Variants in ZNF81 observed in about 807,000 individuals in gnomAD.
ZNF81 encodes the protein zinc finger protein 81.
In ZNF81, 5 loss-of-function variants were observed where a neutral mutation model predicts 32.3. That is an observed-to-expected ratio of 0.15 (90% CI 0.08 to 0.33). The LOEUF (loss-of-function observed/expected upper bound fraction) is 0.33. Among genes scored for constraint, ZNF81 ranks in the 10% least tolerant of loss-of-function variants. ZNF81 has a pLI of 1.00. For synonymous variants in ZNF81, 163 were observed against 166.8 expected (o/e 0.98, Z 0.17); for missense variants, 379 against 479.8 (o/e 0.79, Z 1.96).
chrX:47,854,730 G>A (rs1490492026), intron 2 of ZNF81, among the ~76,000 whole-genome samples: 3 of 111,674 alleles, frequency 2.7e-5, no homozygotes, highest in East Asian at 5.6e-4. Context: ...TCTTCTATGC[G>A]CATGGTTCGT....
chrX:47,847,539 C>G (rs949968837), intron 2 of ZNF81, among the ~76,000 whole-genome samples: 14 of 112,094 alleles, frequency 1.2e-4, no homozygotes, highest in African/African-American at 4.2e-4. Context: ...TGGAGCTTGA[C>G]TTGCTAAAGT....
Position 47,888,140 on chromosome X carries a change from C to T in ZNF81, c.181+15C>T, listed in dbSNP as rs375239243. The T allele has an allele frequency of 3.8e-5, 46 of 1,202,952 alleles. No homozygotes were observed. The highest frequency in any genetic ancestry group is 4.9e-5 in the Non-Finnish European group (44 of 891,543). ...GCTCTCAGTGGGTAAGGACAACCATCCTGTGAAGTTGTGAGGAGCCTGTTA... is the reference window on the plus strand; with the variant it reads ...GCTCTCAGTGGGTAAGGACAACCATTCTGTGAAGTTGTGAGGAGCCTGTTA... On this transcript the variant is annotated intron_variant, in intron 3 of 4. Coordinates refer to ENST00000338637, the MANE Select transcript of ZNF81 (RefSeq NM_007137.5).
chrX:47,858,613 C>A lies in ZNF81; in HGVS notation c.54+12292C>A, dbSNP rs189494027. Among the ~76,000 whole-genome samples, 38 of 111,334 alleles carry A rather than the reference C, an allele frequency of 3.4e-4. 1 individual carries two copies. The highest frequency in any genetic ancestry group is 3.3e-3 in the Admixed American group (35 of 10,455). On this transcript the variant is annotated intron_variant, in intron 2 of 4. Coordinates refer to ENST00000338637, the MANE Select transcript of ZNF81 (RefSeq NM_007137.5). ...GATATTAAGATGGAGGCCTTGCTTC[C>A]CTTCTTTTGGCTTTTTCTGATACAC... is the stretch of plus-strand genomic sequence containing the variant.
At chrX:47,840,814 TG>T (rs1302588637) in intron 1 of ZNF81, 1 of 341,243 alleles carries the variant, frequency 2.9e-6, no homozygotes, top group South Asian at 3.9e-5. Flanking sequence ...GGCGAGCTAC[TG>T]TCTTTTCTTT....
chrX:47,837,097 T>C (rs1556879164), intron 1 of ZNF81, 110 bp downstream of exon 1: 1 of 132,421 alleles, frequency 7.6e-6, no homozygotes, highest in Non-Finnish European at 1.6e-5. Context: ...CAGGCTTTTC[T>C]CTTTTCTAAC....
chrX:47,913,894 ACT>A (rs1203116373), intron 4 of ZNF81, among the ~76,000 whole-genome samples: 3 of 111,459 alleles, frequency 2.7e-5, no homozygotes, highest in Non-Finnish European at 5.7e-5. Flanking sequence ...AAGTGTGAAC[ACT>A]CATCCTTGTC....
chrX:47,897,574 A>G (rs1231324285), intron 4 of ZNF81, among the ~76,000 whole-genome samples: 1 of 112,208 alleles, frequency 8.9e-6, no homozygotes, highest in Non-Finnish European at 1.9e-5. Context: ...CCAATTTATC[A>G]TCTGTTTTAT....
At chrX:47,884,541 G>GT (rs200681898) in intron 2 of ZNF81, among the ~76,000 whole-genome samples, 1,284 of 111,539 alleles carry the variant, frequency 0.012, 15 homozygotes, top group African/African-American at 0.04. Flanking sequence ...CTTGCAGGCT[G>GT]TTGTGCTGAG....
intron 2 of ZNF81, among the ~76,000 whole-genome samples, chrX:47,846,841 C>T (rs1259069555): frequency 8.9e-6 from 1 of 112,055 alleles, no homozygotes; most frequent in African/African-American, 3.2e-5. Flanking sequence ...TACACCCCTA[C>T]TCACATACAC....
chrX:47,889,970 C>T (rs1166004525), intron 3 of ZNF81, among the ~76,000 whole-genome samples: 1 of 111,623 alleles, frequency 9.0e-6, no homozygotes, highest in Non-Finnish European at 1.9e-5. Context: ...CTGGGGATTA[C>T]AATTTGACAT....
intron 4 of ZNF81, among the ~76,000 whole-genome samples, chrX:47,900,079 G>T (rs935148241): frequency 9.0e-6 from 1 of 110,966 alleles, no homozygotes; most frequent in African/African-American, 3.3e-5. Flanking sequence ...TGTAATTTGG[G>T]GGGGTTAAAA....
chrX:47,869,336 A>G (rs1394393222), intron 2 of ZNF81, among the ~76,000 whole-genome samples: 1 of 112,169 alleles, frequency 8.9e-6, no homozygotes, highest in Non-Finnish European at 1.9e-5. Flanking sequence ...TTCTGAGGAT[A>G]TAATACGGAG....
chrX:47,854,044 C>T (rs1439585938), intron 2 of ZNF81, among the ~76,000 whole-genome samples: 7 of 112,838 alleles, frequency 6.2e-5, no homozygotes, highest in African/African-American at 1.9e-4. Context: ...TAGCCATCTT[C>T]ATCAATGATT....
At chrX:47,861,493 A>G (rs1310043704) in intron 2 of ZNF81, among the ~76,000 whole-genome samples, 1 of 111,448 alleles carries the variant, frequency 9.0e-6, no homozygotes, top group Non-Finnish European at 1.9e-5. Context: ...TGAGTACACT[A>G]CTCCACTGGT....
intron 1 of ZNF81, among the ~76,000 whole-genome samples, chrX:47,839,730 A>G (rs1007388000): frequency 1.5e-4 from 17 of 111,910 alleles, no homozygotes; most frequent in African/African-American, 5.5e-4. Context: ...GAATTGTGGT[A>G]CTTTGCATTT....
intron 2 of ZNF81, among the ~76,000 whole-genome samples, chrX:47,877,673 TAGCACAGTAGC>T (rs782264921): frequency 1.1e-3 from 123 of 112,149 alleles, no homozygotes; most frequent in African/African-American, 3.7e-3. Context: ...CAGGCTTTAC[TAGCACAGTAGC>T]AACTTCTTAT....
At chrX:47,864,142 G>A (rs1197394087) in intron 2 of ZNF81, among the ~76,000 whole-genome samples, 1 of 111,671 alleles carries the variant, frequency 9.0e-6, no homozygotes, top group Admixed American at 9.5e-5. Context: ...CCTTACTAAG[G>A]TTTGCGGACC....
At chrX:47,843,081 T>C (rs2058456513) in intron 1 of ZNF81, among the ~76,000 whole-genome samples, 2 of 112,248 alleles carry the variant, frequency 1.8e-5, no homozygotes, top group Admixed American at 1.9e-4. Context: ...TTTCCTCTCA[T>C]TTTGAATATA....
At chrX:47,902,989 T>C (rs376065225) in intron 4 of ZNF81, among the ~76,000 whole-genome samples, 3 of 111,865 alleles carry the variant, frequency 2.7e-5, no homozygotes, top group African/African-American at 9.8e-5. Flanking sequence ...TGCAGAAAAG[T>C]CCTTTGACAA....
Sources: allele counts gnomAD v4.1 joint callset (sites outside exome capture counted in the v4.1 genomes callset), GRCh38; gene constraint gnomAD v4.1.1; transcripts MANE v1.5; gene names NCBI Gene and HGNC (gene_info 2026-07-23, HGNC 2026-07-21).